KIF26B: variants seen among roughly 807,000 people sequenced by gnomAD.
The protein encoded by KIF26B is kinesin-like protein KIF26B.
Under a neutral mutation model 151.2 loss-of-function variants are expected in KIF26B, and 63 were observed. The ratio of observed to expected loss-of-function variants is 0.42; its 90% CI spans 0.34 to 0.51. The LOEUF (loss-of-function observed/expected upper bound fraction) is 0.51. KIF26B is among the 20% of genes least tolerant of loss of function. The probability of loss-of-function intolerance (pLI) is 0.07; values close to 1 mark genes in which losing one functional copy is unlikely to be tolerated. For missense variants in KIF26B, 2,813 were observed against 2,913.6 expected (o/e 0.97, Z 0.79); for synonymous variants, 1,357 against 1,262.1 (o/e 1.08, Z -1.59).
chr1:245,633,799 T>A (rs980773701), intron 9 of KIF26B, among the ~76,000 whole-genome samples: 2 of 152,210 alleles, frequency 1.3e-5, no homozygotes, highest in African/African-American at 4.8e-5. Flanking sequence ...ATGTGTTTGA[T>A]GTTGTTGTAA....
chr1:245,449,167 A>AG (rs1201867475), intron 4 of KIF26B, among the ~76,000 whole-genome samples: 1 of 152,232 alleles, frequency 6.6e-6, no homozygotes, highest in Non-Finnish European at 1.5e-5. Context: ...AAGGAGCTGG[A>AG]GTCTGCAGCT....
At chr1:245,428,588 T>A (rs1658701388) in intron 4 of KIF26B, among the ~76,000 whole-genome samples, 3 of 151,972 alleles carry the variant, frequency 2.0e-5, no homozygotes, top group Admixed American at 2.0e-4. Context: ...TTGTTGGGGG[T>A]GCAGTCCGTA....
chr1:245,537,347 G>C (rs1356498470), intron 4 of KIF26B, among the ~76,000 whole-genome samples: 1 of 152,138 alleles, frequency 6.6e-6, no homozygotes, highest in Non-Finnish European at 1.5e-5. Flanking sequence ...GGATATGGGG[G>C]GAAGGGACAG....
chr1:245,684,465 A>G (rs2147952555), intron 11 of KIF26B, 70 bp downstream of exon 11: 1 of 1,446,490 alleles, frequency 6.9e-7, no homozygotes. Context: ...GAACAGAGTC[A>G]GAAAAAGCCA....
rs903769768 is a variant in KIF26B, at chr1:245,186,153, G to A, written c.465+29470G>A. On this transcript the variant is annotated intron_variant, in intron 2 of 14. Coordinates refer to ENST00000407071, the MANE Select transcript of KIF26B (RefSeq NM_018012.4). ...CTCCCAAAGTGCTGGGATTACAGGC[G>A]TGGGCCACTGCGCCTGGCCCTATAT... Among the ~76,000 whole-genome samples the A allele has an allele frequency of 2.2e-4, 33 of 151,924 alleles. 1 individual carries two copies. Among genetic ancestry groups the A allele is most frequent in the African/African-American group, 7.0e-4 (29 of 41,354 alleles).
intron 2 of KIF26B, among the ~76,000 whole-genome samples, chr1:245,363,491 C>T (rs1473209505): frequency 2.0e-5 from 3 of 152,192 alleles, no homozygotes; most frequent in African/African-American, 7.2e-5. Flanking sequence ...CCATCACGCC[C>T]GGCCTCCTTT....
rs546336750 is a variant in KIF26B at position 245,442,207 on chromosome 1, T to C, written c.1166+22462T>C. On this transcript the variant is annotated intron_variant, in intron 4 of 14. Transcript: ENST00000407071. ...GCGGCTGACAAGTGGCAGGCTGAAGTCCCCACGCCTGGTAGCCTTTTTTCT... is the reference window on the plus strand; with the variant it reads ...GCGGCTGACAAGTGGCAGGCTGAAGCCCCCACGCCTGGTAGCCTTTTTTCT... 2.0e-5 allele frequency among the ~76,000 whole-genome samples: 3 copies of C among 152,188 alleles called. No homozygotes were observed. The South Asian group carries it at 6.2e-4, about 32-fold the overall frequency.
intron 2 of KIF26B, among the ~76,000 whole-genome samples, chr1:245,348,272 A>G (rs1202068054): frequency 1.3e-5 from 2 of 152,132 alleles, no homozygotes; most frequent in Non-Finnish European, 2.9e-5. Flanking sequence ...CATCCCTCCC[A>G]GGCCCGTAAC....
At chr1:245,361,124 G>T (rs375933194) in intron 2 of KIF26B, among the ~76,000 whole-genome samples, 1 of 152,054 alleles carries the variant, frequency 6.6e-6, no homozygotes, top group Admixed American at 6.6e-5. Flanking sequence ...TTCTTTTGAC[G>T]TGGAAAAGTC....
At position 245,564,203 on chromosome 1, in the gene KIF26B, C is replaced by T. The variant is rs1242324665; in HGVS notation, c.1350+23253C>T. Among the ~76,000 whole-genome samples, 1 of 152,138 alleles carries T rather than the reference C, an allele frequency of 6.6e-6. No individual in the cohort carries two copies. The highest frequency in any genetic ancestry group is 1.5e-5 in the Non-Finnish European group (1 of 68,034). On this transcript the variant is annotated intron_variant, in intron 5 of 14. Transcript: ENST00000407071. This position sits in a 1 kb window ranked among gnomAD's most constrained non-coding sequence, Gnocchi z 4.6. ...CAGACCCTCTTGTGACTCTGAGTCT[C>T]TGCCCCTGGGTTCACGCCACTTAGA...
Position 245,688,434 on chromosome 1 carries a change from C to T in KIF26B, c.5451C>T (p.Gly1817=), listed in dbSNP as rs780353205. The T allele has an allele frequency of 5.0e-6, 7 of 1,393,212 alleles. No homozygotes were observed. Among genetic ancestry groups the T allele is most frequent in the Non-Finnish European group, 5.6e-6 (6 of 1,080,786 alleles). 86.3% of individuals were successfully genotyped at this position (1,393,212 alleles called of 1,614,324 possible). A position where few individuals can be genotyped will look rare whatever the true frequency, so the allele number is the denominator to read the frequency against. Residue 1817 remains glycine (G), a synonymous_variant, in exon 12 of 15, where the codon GGC becomes GGT. Coordinates refer to ENST00000407071, the MANE Select transcript of KIF26B (RefSeq NM_018012.4). The stretch of plus-strand genomic sequence containing the variant: ...CGGAGCTGCTGCAGGGTGGCGCGGG[C>T]GCCCGGGGCTTGCAGCTGCGGGCCG... ...RISELLQGGA[G]ARGLQLRAGP... is the part of the protein sequence containing the mutation.
At chr1:245,373,559 A>G (rs1402509022) in intron 3 of KIF26B, among the ~76,000 whole-genome samples, 4 of 152,210 alleles carry the variant, frequency 2.6e-5, no homozygotes, top group Non-Finnish European at 5.9e-5. Flanking sequence ...CGTTGATGCA[A>G]TGAAGGTCGT....
At chr1:245,537,977 C>A (rs1661523250) in intron 4 of KIF26B, among the ~76,000 whole-genome samples, 2 of 152,158 alleles carry the variant, frequency 1.3e-5, no homozygotes, top group Admixed American at 1.3e-4. Context: ...AGGACAAGGA[C>A]TGAGCCCTGA....
chr1:245,577,551 G>A (rs1031719144), intron 5 of KIF26B, among the ~76,000 whole-genome samples: 4 of 151,854 alleles, frequency 2.6e-5, no homozygotes, highest in Non-Finnish European at 5.9e-5. Flanking sequence ...TCCCCTACAT[G>A]GAAGAGCTTT....
At chr1:245,246,536 C>T (rs1006014458) in intron 2 of KIF26B, among the ~76,000 whole-genome samples, 1 of 152,154 alleles carries the variant, frequency 6.6e-6, no homozygotes, top group Non-Finnish European at 1.5e-5. Context: ...CTGGGACCTC[C>T]CCACAAATCA....
At chr1:245,377,015 A>G (rs1673292835) in intron 3 of KIF26B, among the ~76,000 whole-genome samples, 2 of 150,944 alleles carry the variant, frequency 1.3e-5, no homozygotes, top group South Asian at 4.2e-4. Context: ...CCTGGGTTCA[A>G]GTGATGCTCA....
chr1:245,625,439 T>C (rs1403841325), intron 9 of KIF26B, among the ~76,000 whole-genome samples: 1 of 152,230 alleles, frequency 6.6e-6, no homozygotes, highest in African/African-American at 2.4e-5. Context: ...TTTAGGTTTT[T>C]ATTAGTTCCC....
At chr1:245,400,837 T>C (rs1055462895) in intron 3 of KIF26B, among the ~76,000 whole-genome samples, 1 of 152,156 alleles carries the variant, frequency 6.6e-6, no homozygotes, top group Non-Finnish European at 1.5e-5. Flanking sequence ...ATATGTGGTT[T>C]GCATTTGTGG....
intron 2 of KIF26B, among the ~76,000 whole-genome samples, chr1:245,276,654 G>A (rs946892207): frequency 2.6e-5 from 4 of 152,172 alleles, no homozygotes; most frequent in Non-Finnish European, 4.4e-5. Context: ...TGCTTACACT[G>A]TGCTGACCTG....
Sources: allele counts gnomAD v4.1 joint callset (sites outside exome capture counted in the v4.1 genomes callset), GRCh38; gene constraint gnomAD v4.1.1; non-coding constraint Gnocchi (gnomAD v3.1); transcripts MANE v1.5; gene names NCBI Gene and HGNC (gene_info 2026-07-23, HGNC 2026-07-21).